CNTNAP2: variants seen among roughly 807,000 people sequenced by gnomAD.
CNTNAP2 encodes the protein contactin associated protein 2.
In CNTNAP2, 98 loss-of-function variants were observed where a neutral mutation model predicts 155.2. The ratio of observed to expected loss-of-function variants is 0.63; its 90% CI spans 0.54 to 0.75. The LOEUF (loss-of-function observed/expected upper bound fraction) is 0.75. Among genes scored for constraint, CNTNAP2 ranks in the 30% least tolerant of loss-of-function variants. The probability of loss-of-function intolerance (pLI) is 0.00; values close to 1 mark genes in which losing one functional copy is unlikely to be tolerated. For missense variants in CNTNAP2, 1,727 were observed against 1,688.1 expected (o/e 1.02, Z -0.40); for synonymous variants, 651 against 631.2 (o/e 1.03, Z -0.47).
intron 11 of CNTNAP2, among the ~76,000 whole-genome samples, chr7:147,513,318 G>A (rs1799054316): frequency 6.6e-6 from 1 of 151,902 alleles, no homozygotes; most frequent in Admixed American, 6.6e-5. Context: ...ATCTTCTTAA[G>A]GCAAGAGGCC....
At chr7:147,839,434 C>T (rs1798688584) in intron 13 of CNTNAP2, among the ~76,000 whole-genome samples, 1 of 152,122 alleles carries the variant, frequency 6.6e-6, no homozygotes, top group South Asian at 2.1e-4. Context: ...AGGTAAATCA[C>T]AGTGAGGCTG....
chr7:146,558,609 A>T (rs553061297), intron 1 of CNTNAP2, among the ~76,000 whole-genome samples: 1 of 152,136 alleles, frequency 6.6e-6, no homozygotes, highest in South Asian at 2.1e-4. Context: ...TGGGGGGGAA[A>T]TAAGAACATT....
chr7:147,401,063 A>T (rs1796904289), intron 10 of CNTNAP2, among the ~76,000 whole-genome samples: 2 of 152,180 alleles, frequency 1.3e-5, no homozygotes, highest in Admixed American at 1.3e-4. Context: ...TGTCCCCTAG[A>T]GGTTGAAATC....
At chr7:147,836,961 C>A (rs1798643654) in intron 13 of CNTNAP2, among the ~76,000 whole-genome samples, 1 of 152,138 alleles carries the variant, frequency 6.6e-6, no homozygotes, top group South Asian at 2.1e-4. Flanking sequence ...TCTGCTTTGT[C>A]CCAAAGGCAT....
At chr7:147,656,879 G>C (rs1364075919) in intron 13 of CNTNAP2, among the ~76,000 whole-genome samples, 1 of 152,172 alleles carries the variant, frequency 6.6e-6, no homozygotes, top group South Asian at 2.1e-4. Flanking sequence ...AAATGAGAAT[G>C]CCTGTGTATA....
chr7:146,269,213 G>A (rs568701673), intron 1 of CNTNAP2, among the ~76,000 whole-genome samples: 176 of 152,242 alleles, frequency 1.2e-3, no homozygotes, highest in Non-Finnish European at 1.9e-3. Context: ...GGTGGCACGC[G>A]CCTGTGGTCC....
At chr7:148,191,255 GCTCT>G (rs140567836) in intron 18 of CNTNAP2, among the ~76,000 whole-genome samples, 4 of 148,246 alleles carry the variant, frequency 2.7e-5, no homozygotes, top group East Asian at 2.0e-4. Flanking sequence ...GTGCACTCTT[GCTCT>G]CTCTCTCTCT....
At chr7:146,855,075 GT>G (rs1398264212) in intron 3 of CNTNAP2, among the ~76,000 whole-genome samples, 1 of 152,086 alleles carries the variant, frequency 6.6e-6, no homozygotes, top group East Asian at 1.9e-4. Flanking sequence ...ATAAAATTGT[GT>G]TTACATGCAT....
At chr7:147,624,597 G>A (rs973453355) in intron 12 of CNTNAP2, among the ~76,000 whole-genome samples, 1 of 152,074 alleles carries the variant, frequency 6.6e-6, no homozygotes, top group Non-Finnish European at 1.5e-5. Flanking sequence ...ATATCCAAAA[G>A]ACAGGCAGTA....
At chr7:146,694,972 T>TC (rs1800757780) in intron 1 of CNTNAP2, among the ~76,000 whole-genome samples, 2 of 152,216 alleles carry the variant, frequency 1.3e-5, no homozygotes, top group African/African-American at 4.8e-5. Context: ...AGTTAATTGT[T>TC]CCTGGAACTT....
intron 21 of CNTNAP2, among the ~76,000 whole-genome samples, chr7:148,372,079 G>A (rs1160565083): frequency 2.0e-5 from 3 of 152,080 alleles, no homozygotes. Flanking sequence ...GTGTGTGCCT[G>A]TAGTCCCAGC....
chr7:147,071,325 C>CCAAAAAA (rs897114393), intron 4 of CNTNAP2, among the ~76,000 whole-genome samples: 1 of 132,902 alleles, frequency 7.5e-6, no homozygotes, highest in African/African-American at 2.8e-5. Context: ...GATTATCCTG[C>CCAAAAAA]AAAAAAAAAA....
intron 3 of CNTNAP2, among the ~76,000 whole-genome samples, chr7:146,843,387 C>T (rs1279109198): frequency 6.6e-6 from 1 of 151,964 alleles, no homozygotes; most frequent in Non-Finnish European, 1.5e-5. Context: ...GGGAAGTCCA[C>T]CCCCGTGATC....
intron 1 of CNTNAP2, among the ~76,000 whole-genome samples, chr7:146,247,711 G>C (rs1799684924): frequency 6.6e-6 from 1 of 152,136 alleles, no homozygotes; most frequent in South Asian, 2.1e-4. Flanking sequence ...TTTGTATTGG[G>C]GTCAAGTGGC....
chr7:146,933,563 G>C (rs1381781616), intron 3 of CNTNAP2, among the ~76,000 whole-genome samples: 1 of 149,778 alleles, frequency 6.7e-6, no homozygotes, highest in Non-Finnish European at 1.5e-5. Flanking sequence ...AAAAGCAATG[G>C]CAACAAAAGC....
chr7:147,305,560 A>G (rs915496281), intron 9 of CNTNAP2, among the ~76,000 whole-genome samples: 4 of 152,206 alleles, frequency 2.6e-5, no homozygotes, highest in Admixed American at 2.6e-4. Context: ...TACCAACAGG[A>G]AATCTATTGT....
intron 21 of CNTNAP2, 49 bp from the exon 22 acceptor site, chr7:148,383,600 C>T (rs1415138649): frequency 6.2e-7 from 1 of 1,614,012 alleles, no homozygotes; most frequent in South Asian, 1.1e-5. Flanking sequence ...TGTTGTACAG[C>T]TGGACTATGG....
chr7:147,330,871 A>G (rs1214581400), intron 9 of CNTNAP2, among the ~76,000 whole-genome samples: 1 of 152,186 alleles, frequency 6.6e-6, no homozygotes, highest in Non-Finnish European at 1.5e-5. Flanking sequence ...TTTACAGATG[A>G]CACAAACTTG....
rs1332551916 is a variant in CNTNAP2 at position 146,721,875 on chromosome 7, G to GTGTGTGTATATATATA, written c.98-52395_98-52394insGTGTGTATATATATAT. Among the ~76,000 whole-genome samples, 3 of 76,658 alleles carry GTGTGTGTATATATATA rather than the reference G, an allele frequency of 3.9e-5. No individual in the cohort carries two copies. The African/African-American group carries it at 5.5e-4, about 14-fold the overall frequency. The allele number at this position is 76,658 out of a possible 152,430, so 50.3% of individuals were successfully genotyped here. On this transcript the variant is annotated intron_variant, in intron 1 of 23. Coordinates refer to ENST00000361727, the MANE Select transcript of CNTNAP2 (RefSeq NM_014141.6). ...TACATTTATATGTGTGTGTGTGTGT[G>GTGTGTGTATATATATA]TATATATATATATATTTTTTTTTTT... is the stretch of plus-strand genomic sequence containing the variant.
Sources: allele counts gnomAD v4.1 joint callset (sites outside exome capture counted in the v4.1 genomes callset), GRCh38; gene constraint gnomAD v4.1.1; transcripts MANE v1.5; gene names NCBI Gene and HGNC (gene_info 2026-07-23, HGNC 2026-07-21).